FAM168B: variants seen among roughly 807,000 people sequenced by gnomAD.
FAM168B encodes the protein family with sequence similarity 168 member B, also known as myelin-associated neurite-outgrowth inhibitor.
Under a neutral mutation model 21.8 loss-of-function variants are expected in FAM168B, and 19 were observed. The observed-to-expected ratio is 0.87, with a 90% CI of 0.61 to 1.28. The LOEUF is 1.28. Ranked by LOEUF, FAM168B falls within the 50% of genes most tolerant of loss-of-function variation. The pLI is 0.00. For missense variants in FAM168B, 233 were observed against 263.1 expected, an observed-to-expected ratio of 0.89 and a Z score of 0.79; for synonymous variants, 126 against 104.8, an observed-to-expected ratio of 1.20 and a Z score of -1.24.
intron 2 of FAM168B, among the ~76,000 whole-genome samples, chr2:131,076,446 G>A (rs1170212480): frequency 1.3e-5 from 2 of 152,022 alleles, no homozygotes; most frequent in Non-Finnish European, 2.9e-5. Context: ...TGGATCACGA[G>A]GTCAGGAGAT....
intron 1 of FAM168B, among the ~76,000 whole-genome samples, chr2:131,087,063 CAAAAAAAAA>C (rs70994735): frequency 2.5e-5 from 1 of 40,684 alleles, no homozygotes; most frequent in Non-Finnish European, 3.4e-5. Context: ...GACTCCGTCT[CAAAAAAAAA>C]AAAAAAAAAA....
At chr2:131,066,932 GTTACACATGGC>G (rs1692591511) in intron 3 of FAM168B, among the ~76,000 whole-genome samples, 1 of 152,162 alleles carries the variant, frequency 6.6e-6, no homozygotes, top group African/African-American at 2.4e-5. Flanking sequence ...TGGACTCACA[GTTACACATGGC>G]TGGGGAGGCC....
chr2:131,055,300 C>A lies in FAM168B; in HGVS notation c.447G>T (p.Val149=), dbSNP rs1026817768. The A allele has an allele frequency of 9.5e-6, 15 of 1,581,672 alleles. No individual in the cohort carries two copies. In the African/African-American group the frequency reaches 1.9e-4, roughly 20 times the overall value. The change falls in exon 5 of 7, where the codon GTG becomes GTT. Residue 149 remains valine (V), a synonymous_variant. Coordinates refer to ENST00000389915, the MANE Select transcript of FAM168B (RefSeq NM_001009993.4). ...CTGACATGGCCATGGTGGTCCCAGCCACCATGCCCATGGTGACCCCGTTGC... is the reference window on the plus strand; with the variant it reads ...CTGACATGGCCATGGTGGTCCCAGCAACCATGCCCATGGTGACCCCGTTGC... The part of the protein sequence containing the change: ...PRGNGVTMGM[V]AGTTMAMSAG...
intron 1 of FAM168B, among the ~76,000 whole-genome samples, chr2:131,085,358 T>C (rs1693635644): frequency 6.6e-6 from 1 of 152,128 alleles, no homozygotes; most frequent in Non-Finnish European, 1.5e-5. Flanking sequence ...CCATTTAGAA[T>C]GTAGCCAAAA....
rs781557388 is a variant in FAM168B at position 131,051,713 on chromosome 2, G to A, written c.*752C>T. 7.5e-5 allele frequency: 74 copies of A among 985,186 alleles called. No individual in the cohort carries two copies. Among genetic ancestry groups the A allele is most frequent in the African/African-American group, 8.7e-5 (5 of 57,252 alleles). 61.0% of individuals were successfully genotyped at this position (985,186 alleles called of 1,614,324 possible). On this transcript the variant is annotated 3_prime_UTR_variant, in exon 7 of 7. Coordinates refer to ENST00000389915, the MANE Select transcript of FAM168B (RefSeq NM_001009993.4). Reference sequence around the variant, plus strand: ...TGCTGACACATAAACCACCCCCCTCGCCCCAAATTTCACTGGCCACACTAC... The same window carrying A: ...TGCTGACACATAAACCACCCCCCTCACCCCAAATTTCACTGGCCACACTAC...
rs1573736709 is a variant in FAM168B at position 131,050,419 on chromosome 2, A to G, written c.*2046T>C. ...TTAGAACCTACTAATCCTGCCAACC[A>G]TCCACTAAACAGATGGAATTACCAA... is the stretch of plus-strand genomic sequence containing the variant. On this transcript the variant is annotated 3_prime_UTR_variant, in exon 7 of 7. Transcript: ENST00000389915. The G allele has an allele frequency of 1.0e-6, 1 of 985,822 alleles. No homozygotes were observed. Among genetic ancestry groups the G allele is most frequent in the Middle Eastern group, 5.2e-4 (1 of 1,914 alleles). 61.1% of individuals were successfully genotyped at this position (985,822 alleles called of 1,614,324 possible).
rs1450240049 is a variant in FAM168B, at chr2:131,051,555, G to GT, written c.*909dup. 2.0e-6 allele frequency: 2 copies of GT among 984,620 alleles called. No homozygotes were observed. The highest frequency in any genetic ancestry group is 2.4e-6 in the Non-Finnish European group (2 of 829,844). The allele number at this position is 984,620 out of a possible 1,614,324, so 61.0% of individuals were successfully genotyped here. A position where few individuals can be genotyped will look rare whatever the true frequency, so the allele number is the denominator to read the frequency against. Reference sequence around the variant, plus strand: ...GACAATACCTCCTGCAAGCATGGCTGTTTCTCTTTCACATTTCTTCCATCC... The same window carrying GT: ...GACAATACCTCCTGCAAGCATGGCTGTTTTCTCTTTCACATTTCTTCCATCC... On this transcript the variant is annotated 3_prime_UTR_variant, in exon 7 of 7. Coordinates refer to ENST00000389915, the MANE Select transcript of FAM168B (RefSeq NM_001009993.4).
chr2:131,070,661 C>G (rs1558970041), intron 3 of FAM168B, among the ~76,000 whole-genome samples: 2 of 152,182 alleles, frequency 1.3e-5, no homozygotes, highest in Non-Finnish European at 2.9e-5. Context: ...AAATGTTCAT[C>G]ACATGGTAAA....
intron 3 of FAM168B, among the ~76,000 whole-genome samples, chr2:131,061,669 C>A (rs1692301252): frequency 6.6e-6 from 1 of 152,030 alleles, no homozygotes; most frequent in African/African-American, 2.4e-5. Context: ...GTAGTCCCAG[C>A]CACTCGGGAA....
chr2:131,050,428 A>G lies in FAM168B; in HGVS notation c.*2037T>C. On this transcript the variant is annotated 3_prime_UTR_variant, in exon 7 of 7. Coordinates refer to ENST00000389915, the MANE Select transcript of FAM168B (RefSeq NM_001009993.4). ...ACTAATCCTGCCAACCATCCACTAA[A>G]CAGATGGAATTACCAACAGAGACTT... 1.0e-6 allele frequency: 1 copy of G among 985,788 alleles called. No homozygotes were observed. Among genetic ancestry groups the G allele is most frequent in the Non-Finnish European group, 1.2e-6 (1 of 829,926 alleles). The allele number at this position is 985,788 out of a possible 1,614,324, so 61.1% of individuals were successfully genotyped here. A position where few individuals can be genotyped will look rare whatever the true frequency, so the allele number is the denominator to read the frequency against.
chr2:131,070,345 G>A (rs1019925630), intron 3 of FAM168B, among the ~76,000 whole-genome samples: 1 of 152,160 alleles, frequency 6.6e-6, no homozygotes, highest in Non-Finnish European at 1.5e-5. Context: ...CACATGAAAA[G>A]ATACTGCTAC....
chr2:131,064,660 C>T (rs1331830085), intron 3 of FAM168B, among the ~76,000 whole-genome samples: 3 of 152,072 alleles, frequency 2.0e-5, no homozygotes, highest in African/African-American at 7.3e-5. Flanking sequence ...CAGGTGGTTA[C>T]TGAAGAAAAT....
rs1691613509 is a variant in FAM168B, at chr2:131,050,729, C to G, written c.*1736G>C. ...GCTCAGTGGTCAGGTGTCCCCCCACCAACCAACTGGGGCAGAATGCTAGTG... is the reference window on the plus strand; with the variant it reads ...GCTCAGTGGTCAGGTGTCCCCCCACGAACCAACTGGGGCAGAATGCTAGTG... On this transcript the variant is annotated 3_prime_UTR_variant, in exon 7 of 7. Coordinates refer to ENST00000389915, the MANE Select transcript of FAM168B (RefSeq NM_001009993.4). 1.0e-6 allele frequency: 1 copy of G among 985,232 alleles called. No individual in the cohort carries two copies. The allele number at this position is 985,232 out of a possible 1,614,324, so 61.0% of individuals were successfully genotyped here. A position where few individuals can be genotyped will look rare whatever the true frequency, so the allele number is the denominator to read the frequency against.
At position 131,051,638 on chromosome 2, in the gene FAM168B, A is replaced by C; in HGVS notation, c.*827T>G. 1.0e-6 allele frequency: 1 copy of C among 985,394 alleles called. No homozygotes were observed. Among genetic ancestry groups the C allele is most frequent in the Admixed American group, 6.1e-5 (1 of 16,284 alleles). 61.0% of individuals were successfully genotyped at this position (985,394 alleles called of 1,614,324 possible). ...TCCAATAAAGACATATAAAAACATC[A>C]TCTCTCTAAGAGAACTGTAATGAAA... On this transcript the variant is annotated 3_prime_UTR_variant, in exon 7 of 7. Transcript: ENST00000389915.
At chr2:131,061,318 T>G (rs1173653194) in intron 3 of FAM168B, among the ~76,000 whole-genome samples, 2 of 139,038 alleles carry the variant, frequency 1.4e-5, no homozygotes, top group African/African-American at 5.3e-5. Flanking sequence ...AAAGTAAAAA[T>G]AAGCAAGGTG....
intron 3 of FAM168B, among the ~76,000 whole-genome samples, chr2:131,071,066 G>A (rs1413328588): frequency 6.6e-6 from 1 of 152,212 alleles, no homozygotes; most frequent in African/African-American, 2.4e-5. Flanking sequence ...AAATGGAAAC[G>A]AAGAGATGGA....
intron 1 of FAM168B, among the ~76,000 whole-genome samples, chr2:131,089,693 G>A (rs1411783380): frequency 1.3e-5 from 2 of 148,858 alleles, no homozygotes; most frequent in Non-Finnish European, 3.0e-5. Context: ...ACTCCAGTCT[G>A]GGCAACAGAG....
intron 1 of FAM168B, among the ~76,000 whole-genome samples, chr2:131,088,421 A>C (rs1693829627): frequency 6.6e-6 from 1 of 150,424 alleles, no homozygotes; most frequent in Non-Finnish European, 1.5e-5. Context: ...TGGGGGGAAA[A>C]GGGGGCGGGA....
At position 131,051,102 on chromosome 2, in the gene FAM168B, C is replaced by A; in HGVS notation, c.*1363G>T. 1 of 985,446 alleles carries A rather than the reference C, an allele frequency of 1.0e-6. No homozygotes were observed. Among genetic ancestry groups the A allele is most frequent in the African/African-American group, 1.7e-5 (1 of 57,344 alleles). The allele number at this position is 985,446 out of a possible 1,614,324, so 61.0% of individuals were successfully genotyped here. On this transcript the variant is annotated 3_prime_UTR_variant, in exon 7 of 7. Transcript: ENST00000389915. ...GCAAACGCACTCCAGCACTGCCTGGCCCTCTCTGCTGTCTGTGCTTGCTTT... is the reference window on the plus strand; with the variant it reads ...GCAAACGCACTCCAGCACTGCCTGGACCTCTCTGCTGTCTGTGCTTGCTTT...
Sources: allele counts gnomAD v4.1 joint callset (sites outside exome capture counted in the v4.1 genomes callset), GRCh38; gene constraint gnomAD v4.1.1; transcripts MANE v1.5; gene names NCBI Gene and HGNC (gene_info 2026-07-23, HGNC 2026-07-21).